The following LYPD1 variants were observed in gnomAD, a reference collection of about 807,000 sequenced individuals.
The protein encoded by LYPD1 is ly6/PLAUR domain-containing protein 1.
LYPD1 carries 14 observed loss-of-function variants against 14.2 expected under a neutral mutation model. That is an observed-to-expected ratio of 0.99 (90% CI 0.65 to 1.54). The LOEUF (loss-of-function observed/expected upper bound fraction) is 1.54, where lower values mean the gene tolerates loss of function less well. Ranked by LOEUF, LYPD1 falls within the 40% of genes most tolerant of loss-of-function variation. The pLI is 0.00. For synonymous variants in LYPD1, 85 were observed against 70.6 expected (o/e 1.20, Z -1.02); for missense variants, 165 against 175.7 (o/e 0.94, Z 0.34).
At chr2:132,665,141 A>T (rs1312680419) in intron 2 of LYPD1, among the ~76,000 whole-genome samples, 1 of 152,216 alleles carries the variant, frequency 6.6e-6, no homozygotes, top group East Asian at 1.9e-4. Flanking sequence ...ACTCTGGGGA[A>T]TAGGTAAAGG....
intron 2 of LYPD1, among the ~76,000 whole-genome samples, chr2:132,655,344 C>T (rs1314834099): frequency 2.0e-5 from 3 of 152,012 alleles, no homozygotes; most frequent in Non-Finnish European, 4.4e-5. Flanking sequence ...TTTCAGGCCT[C>T]ATCTGCCTCG....
At chr2:132,650,989 C>T (rs1682342231) in intron 2 of LYPD1, among the ~76,000 whole-genome samples, 2 of 152,072 alleles carry the variant, frequency 1.3e-5, no homozygotes, top group South Asian at 2.1e-4. Context: ...TACTACACTG[C>T]CTGCCATGCT....
At chr2:132,650,571 AG>A (rs1682320546) in intron 2 of LYPD1, among the ~76,000 whole-genome samples, 1 of 152,210 alleles carries the variant, frequency 6.6e-6, no homozygotes, top group African/African-American at 2.4e-5. Context: ...ATCTATCACC[AG>A]GGAAGTGGTA....
chr2:132,646,464 C>CACTATTTCATTAGTTTT, intron 2 of LYPD1, 184 bp from the exon 3 acceptor site: 1 of 409,852 alleles, frequency 2.4e-6, no homozygotes, highest in South Asian at 1.2e-4. Context: ...AAGAGACAGG[C>CACTATTTCATTAGTTTT]ACTATTTCAT....
At chr2:132,654,077 T>C (rs1007256369) in intron 2 of LYPD1, among the ~76,000 whole-genome samples, 1 of 152,180 alleles carries the variant, frequency 6.6e-6, no homozygotes, top group Non-Finnish European at 1.5e-5. Flanking sequence ...ATGGTTTCAT[T>C]AACAGTACTG....
intron 2 of LYPD1, among the ~76,000 whole-genome samples, chr2:132,657,948 G>A (rs1027181352): frequency 6.6e-6 from 1 of 152,134 alleles, no homozygotes; most frequent in Non-Finnish European, 1.5e-5. Flanking sequence ...AATCACAGTT[G>A]GCCACTCAGT....
At chr2:132,656,537 TGAAA>T (rs1282580319) in intron 2 of LYPD1, among the ~76,000 whole-genome samples, 1 of 152,198 alleles carries the variant, frequency 6.6e-6, no homozygotes, top group Non-Finnish European at 1.5e-5. Context: ...TTTTTTTGTC[TGAAA>T]GAACACTGTG....
intron 2 of LYPD1, among the ~76,000 whole-genome samples, chr2:132,659,053 G>T (rs376565168): frequency 1.5e-3 from 233 of 152,292 alleles, no homozygotes; most frequent in South Asian, 9.3e-3. Context: ...AAAACCAGGG[G>T]TGGATTACAT....
chr2:132,670,045 G>A lies in LYPD1; in HGVS notation c.-113C>T. On this transcript the variant is annotated 5_prime_UTR_variant, in exon 1 of 3. Transcript: ENST00000397463. The surrounding 1 kb of genome is among the most constrained non-coding windows in gnomAD (Gnocchi z 4.5). ...TGCCGAGGCTGCTGGGGCCCGCGCTGCTGCCGCGGAGACGACGGTCGTAGC... is the reference window on the plus strand; with the variant it reads ...TGCCGAGGCTGCTGGGGCCCGCGCTACTGCCGCGGAGACGACGGTCGTAGC... The A allele has an allele frequency of 6.5e-7, 1 of 1,543,608 alleles. No homozygotes were observed. The highest frequency in any genetic ancestry group is 2.0e-5 in the Admixed American group (1 of 50,948).
chr2:132,671,493 T>A (rs1680833538), upstream of LYPD1: 1 of 152,256 alleles, frequency 6.6e-6, no homozygotes, highest in Non-Finnish European at 1.5e-5. Context: ...AATGACTTTC[T>A]TTGTAATTCC....
intron 2 of LYPD1, among the ~76,000 whole-genome samples, chr2:132,660,887 C>A (rs1682892755): frequency 6.6e-6 from 1 of 152,122 alleles, no homozygotes; most frequent in South Asian, 2.1e-4. Flanking sequence ...TGTAGACGAC[C>A]AAATCATGCC....
chr2:132,646,257 C>T lies in LYPD1; in HGVS notation c.214G>A (p.Ala72Thr). 1.3e-6 allele frequency: 2 copies of T among 1,565,472 alleles called. No homozygotes were observed. Among genetic ancestry groups the T allele is most frequent in the Non-Finnish European group, 1.7e-6 (2 of 1,152,820 alleles). Residue 72 changes from alanine (A) to threonine (T), a missense_variant, in exon 3 of 3, where the codon GCA (alanine) becomes ACA (threonine). By Grantham distance (58) the Ala-to-Thr change is moderately conservative. Transcript: ENST00000397463. ...GCGATGAGACAGGCCGCTGATGATG[C>T]ACAGGACTTGCGGTACATGATCCCT... ...SAGIMYRKSC[A>T]SSAACLIASA...
At chr2:132,655,751 T>C (rs1682556695) in intron 2 of LYPD1, among the ~76,000 whole-genome samples, 1 of 152,076 alleles carries the variant, frequency 6.6e-6, no homozygotes, top group Non-Finnish European at 1.5e-5. Flanking sequence ...CCTGACCTCG[T>C]GATCCGCCCA....
rs975155511 is a variant in LYPD1, at chr2:132,645,653, A to G, written c.*392T>C. On this transcript the variant is annotated 3_prime_UTR_variant, in exon 3 of 3. Coordinates refer to ENST00000397463, the MANE Select transcript of LYPD1 (RefSeq NM_144586.7). ...AGTGGGAACTGGCCCTCCAGCCCTA[A>G]GAAAACGTCACTCTCACTCTGCAGT... The G allele has an allele frequency of 1.9e-6, 3 of 1,568,026 alleles. No individual in the cohort carries two copies. Among genetic ancestry groups the G allele is most frequent in the Middle Eastern group, 1.8e-4 (1 of 5,674 alleles).
intron 2 of LYPD1, among the ~76,000 whole-genome samples, chr2:132,661,943 A>G (rs1003185804): frequency 1.4e-4 from 17 of 118,464 alleles, no homozygotes; most frequent in African/African-American, 1.4e-3. Flanking sequence ...CCACAGCGGA[A>G]AAAAAAAAAA....
rs1262803735 is a variant in LYPD1, at chr2:132,645,140, A to G, written c.*905T>C. On this transcript the variant is annotated 3_prime_UTR_variant, in exon 3 of 3. Transcript: ENST00000397463. ...ACATTGGCCGTATGCTGGATGCCCA[A>G]CCAGATTCGGAGGATCATGGCTGCG... 2 of 1,614,060 alleles carry G rather than the reference A, an allele frequency of 1.2e-6. No homozygotes were observed. The highest frequency in any genetic ancestry group is 1.7e-6 in the Non-Finnish European group (2 of 1,179,988).
At position 132,669,680 on chromosome 2, in the gene LYPD1, C is replaced by T. The variant is rs1282090402; in HGVS notation, c.52+201G>A. Among the ~76,000 whole-genome samples the T allele has an allele frequency of 6.6e-6, 1 of 152,144 alleles. No individual in the cohort carries two copies. The highest frequency in any genetic ancestry group is 1.5e-5 in the Non-Finnish European group (1 of 68,030). On this transcript the variant is annotated intron_variant, in intron 1 of 2. Transcript: ENST00000397463. This position sits in a 1 kb window ranked among gnomAD's most constrained non-coding sequence, Gnocchi z 4.3. ...AGCCCGGAGTCCCGCAAACCCGCCG[C>T]TCCCCGCTCTCCTCCTGCAGCGCGG... is the stretch of plus-strand genomic sequence containing the variant.
chr2:132,669,863 G>GC lies in LYPD1; in HGVS notation c.52+17dup. On this transcript the variant is annotated intron_variant, in intron 1 of 2. Coordinates refer to ENST00000397463, the MANE Select transcript of LYPD1 (RefSeq NM_144586.7). The surrounding 1 kb of genome is among the most constrained non-coding windows in gnomAD (Gnocchi z 4.3). Reference sequence around the variant, plus strand: ...TGTGCGCACCTGGCCTCGGCTGCTGGCCTCTGGGTATTCTCACCTGGAAGC... The same window carrying GC: ...TGTGCGCACCTGGCCTCGGCTGCTGGCCCTCTGGGTATTCTCACCTGGAAGC... 2 of 1,612,046 alleles carry GC rather than the reference G, an allele frequency of 1.2e-6. No homozygotes were observed. Among genetic ancestry groups the GC allele is most frequent in the Non-Finnish European group, 1.7e-6 (2 of 1,179,108 alleles).
intron 2 of LYPD1, among the ~76,000 whole-genome samples, chr2:132,648,275 A>T (rs1325301977): frequency 2.0e-5 from 3 of 146,420 alleles, no homozygotes; most frequent in Admixed American, 6.8e-5. Flanking sequence ...TTTTAAAAAA[A>T]TATTTACTGA....
Sources: allele counts gnomAD v4.1 joint callset (sites outside exome capture counted in the v4.1 genomes callset), GRCh38; gene constraint gnomAD v4.1.1; non-coding constraint Gnocchi (gnomAD v3.1); transcripts MANE v1.5; gene names NCBI Gene and HGNC (gene_info 2026-07-23, HGNC 2026-07-21).